Variants in NXPE2 observed in about 807,000 individuals in gnomAD.
The protein encoded by NXPE2 is neurexophilin and PC-esterase domain family member 2.
In NXPE2, 34 loss-of-function variants were observed where a neutral mutation model predicts 34.4. The observed-to-expected ratio is 0.99, with a 90% confidence interval of 0.75 to 1.31. NXPE2 has a LOEUF of 1.31. Among genes scored for constraint, NXPE2 ranks in the 40% most tolerant of loss-of-function variants. The pLI is 0.00. For missense variants in NXPE2, 649 were observed against 672.5 expected, an observed-to-expected ratio of 0.97 and a Z score of 0.39; for synonymous variants, 235 against 231.3, an observed-to-expected ratio of 1.02 and a Z score of -0.15.
At chr11:114,746,766 G>T in the NXPE2 span, among the ~76,000 whole-genome samples, 1 of 151,758 alleles carries the variant, frequency 6.6e-6, no homozygotes, top group South Asian at 2.1e-4. Flanking sequence ...CAGGAGAATC[G>T]CTTGAACCCG....
chr11:114,799,511 G>C, the NXPE2 span, among the ~76,000 whole-genome samples: 19 of 152,190 alleles, frequency 1.2e-4, no homozygotes, highest in Non-Finnish European at 2.5e-4. Flanking sequence ...TGGGCACTTT[G>C]AGGGGAGAAG....
At chr11:114,633,820 T>C in the NXPE2 span, among the ~76,000 whole-genome samples, 1 of 152,178 alleles carries the variant, frequency 6.6e-6, no homozygotes, top group East Asian at 1.9e-4. Flanking sequence ...CTGCATAGTA[T>C]TCCATGGTGT....
the NXPE2 span, among the ~76,000 whole-genome samples, chr11:114,557,730 G>T: frequency 8.4e-5 from 12 of 143,344 alleles, no homozygotes; most frequent in Non-Finnish European, 1.7e-4. Context: ...ATTCTTCTTT[G>T]CCGTTCTCTA....
the NXPE2 span, among the ~76,000 whole-genome samples, chr11:114,591,734 C>G: frequency 6.6e-6 from 1 of 152,052 alleles, no homozygotes; most frequent in Non-Finnish European, 1.5e-5. Context: ...CAATAAATTC[C>G]ATGCCCCCTC....
the NXPE2 span, among the ~76,000 whole-genome samples, chr11:114,486,253 G>A: frequency 3.3e-5 from 5 of 152,112 alleles, no homozygotes; most frequent in African/African-American, 1.2e-4. Context: ...TGATCAATAA[G>A]GTTGAGCATG....
At chr11:114,697,939 T>G in intron 2 of NXPE2, 106 bp from the exon 3 acceptor site, 1 of 1,121,800 alleles carries the variant, frequency 8.9e-7, no homozygotes. Flanking sequence ...TTTTTGATAT[T>G]TAATTTATCA....
At chr11:114,606,825 T>A in the NXPE2 span, among the ~76,000 whole-genome samples, 1 of 152,004 alleles carries the variant, frequency 6.6e-6, no homozygotes, top group East Asian at 1.9e-4. Flanking sequence ...TGTTACCCAG[T>A]CGATAATAAG....
the NXPE2 span, among the ~76,000 whole-genome samples, chr11:114,466,500 GA>G: frequency 6.8e-3 from 1,030 of 151,978 alleles, 14 homozygotes; most frequent in African/African-American, 0.022. Flanking sequence ...TTGGCAATTG[GA>G]TTTTTTTTCT....
the NXPE2 span, among the ~76,000 whole-genome samples, chr11:114,795,130 G>A: frequency 2.0e-5 from 3 of 152,204 alleles, no homozygotes; most frequent in African/African-American, 4.8e-5. Flanking sequence ...AGAAGGCTGA[G>A]TGACAGAGAT....
At chr11:114,472,930 C>T in the NXPE2 span, among the ~76,000 whole-genome samples, 2 of 152,064 alleles carry the variant, frequency 1.3e-5, no homozygotes, top group African/African-American at 4.8e-5. Context: ...ATAAAAATGC[C>T]AGTACAGTGT....
chr11:114,593,682 A>C, the NXPE2 span, among the ~76,000 whole-genome samples: 1 of 152,156 alleles, frequency 6.6e-6, no homozygotes, highest in Non-Finnish European at 1.5e-5. Flanking sequence ...GTATATACCC[A>C]AAATAAAGGA....
At chr11:114,616,307 GTGT>G in the NXPE2 span, among the ~76,000 whole-genome samples, 1 of 149,924 alleles carries the variant, frequency 6.7e-6, no homozygotes, top group South Asian at 2.1e-4. Context: ...TGGATAATAA[GTGT>G]TGTCTCACGT....
chr11:114,731,535 C>T, the NXPE2 span, among the ~76,000 whole-genome samples: 4 of 152,158 alleles, frequency 2.6e-5, no homozygotes, highest in African/African-American at 9.7e-5. Context: ...TGGAACAGTA[C>T]TCAGCAATAA....
the NXPE2 span, among the ~76,000 whole-genome samples, chr11:114,767,932 A>G: frequency 6.6e-6 from 1 of 152,146 alleles, no homozygotes; most frequent in African/African-American, 2.4e-5. Flanking sequence ...GGCTGTGAAT[A>G]ATCTCCTAAG....
At chr11:114,675,763 T>A (rs748372099), upstream of NXPE2, among the ~76,000 whole-genome samples, 1 of 151,930 alleles carries the variant, frequency 6.6e-6, no homozygotes, top group Non-Finnish European at 1.5e-5. Context: ...GAAACTTACA[T>A]GGAACCACAA....
At chr11:114,755,736 A>ATCTCTCTCTCTCTC in the NXPE2 span, among the ~76,000 whole-genome samples, 37 of 148,290 alleles carry the variant, frequency 2.5e-4, no homozygotes, top group African/African-American at 9.2e-4. Flanking sequence ...CTCTTCACCC[A>ATCTCTCTCTCTCTC]TCTCTCTCTC....
chr11:114,740,169 G>A, the NXPE2 span, among the ~76,000 whole-genome samples: 1 of 152,134 alleles, frequency 6.6e-6, no homozygotes, highest in Non-Finnish European at 1.5e-5. Context: ...TGTAATTAAA[G>A]TTAGGTATAT....
the NXPE2 span, among the ~76,000 whole-genome samples, chr11:114,725,459 A>G: frequency 1.3e-5 from 2 of 151,994 alleles, no homozygotes; most frequent in Admixed American, 1.3e-4. Context: ...GCTGCTGACC[A>G]TGATAAAACC....
the NXPE2 span, among the ~76,000 whole-genome samples, chr11:114,483,992 A>G: frequency 2.6e-5 from 4 of 152,092 alleles, no homozygotes; most frequent in East Asian, 7.8e-4. Context: ...TGATGCTTTT[A>G]TGGGTTGTGT....
Sources: allele counts gnomAD v4.1 joint callset (sites outside exome capture counted in the v4.1 genomes callset), GRCh38; gene constraint gnomAD v4.1.1; transcripts MANE v1.5; gene names NCBI Gene and HGNC (gene_info 2026-07-23, HGNC 2026-07-21).